METTL2A: variants seen among roughly 807,000 people sequenced by gnomAD.
METTL2A encodes the protein tRNA N(3)-cytidine methyltransferase METTL2A.
Under a neutral mutation model 49.4 loss-of-function variants are expected in METTL2A, and 45 were observed. That is an observed-to-expected ratio of 0.91 (90% CI 0.72 to 1.17). The LOEUF (loss-of-function observed/expected upper bound fraction) is 1.17, where lower values mean the gene tolerates loss of function less well. METTL2A is among the 50% of genes most tolerant of loss of function. The pLI is 0.00. For missense variants in METTL2A, 361 were observed against 462.2 expected (o/e 0.78, Z 2.01); for synonymous variants, 118 against 167.5 (o/e 0.70, Z 2.28).
At chr17:62,445,690 G>A (rs1459286940) in intron 7 of METTL2A, among the ~76,000 whole-genome samples, 2 of 151,950 alleles carry the variant, frequency 1.3e-5, no homozygotes, top group African/African-American at 2.4e-5. Context: ...CCAGCTACTC[G>A]GGAGGCTGAG....
chr17:62,443,749 C>G (rs1598036681), intron 6 of METTL2A, among the ~76,000 whole-genome samples: 1 of 152,214 alleles, frequency 6.6e-6, no homozygotes, highest in East Asian at 1.9e-4. Flanking sequence ...GCCACCATCC[C>G]TGGCTAATTT....
At chr17:62,447,898 G>C (rs1283116312) in intron 8 of METTL2A, 132 bp downstream of exon 8, 6 of 1,540,976 alleles carry the variant, frequency 3.9e-6, no homozygotes, top group Non-Finnish European at 5.2e-6. Context: ...GTTCCCTGCT[G>C]CTCACACCCT....
intron 5 of METTL2A, among the ~76,000 whole-genome samples, chr17:62,439,362 C>T (rs369032361): frequency 1.3e-5 from 2 of 152,174 alleles, no homozygotes; most frequent in Admixed American, 6.5e-5. Context: ...GCCTCAGCCT[C>T]CCAGGGTGCT....
chr17:62,443,121 C>G, intron 6 of METTL2A, among the ~76,000 whole-genome samples: 1 of 152,138 alleles, frequency 6.6e-6, no homozygotes, highest in East Asian at 1.9e-4. Flanking sequence ...GCCTATAATC[C>G]CACCACTTTG....
chr17:62,439,990 T>C (rs2070727719), intron 5 of METTL2A, among the ~76,000 whole-genome samples: 1 of 151,980 alleles, frequency 6.6e-6, no homozygotes, highest in South Asian at 2.1e-4. Context: ...ATTAGATTGA[T>C]GCAAAAGTAA....
chr17:62,446,208 C>T (rs530047055), intron 7 of METTL2A, among the ~76,000 whole-genome samples: 5 of 152,296 alleles, frequency 3.3e-5, no homozygotes, highest in Non-Finnish European at 7.4e-5. Context: ...GGCTGGAGTG[C>T]AATGGCGTGA....
chr17:62,448,764 G>A lies in METTL2A; in HGVS notation c.*35G>A. Reference sequence around the variant, plus strand: ...GCTGCCAACACGATGCAAGCCCATTGTGTTTCCGGGCTTTTTTAAAAAAAA... The same window carrying A: ...GCTGCCAACACGATGCAAGCCCATTATGTTTCCGGGCTTTTTTAAAAAAAA... On this transcript the variant is annotated 3_prime_UTR_variant, in exon 9 of 9. Transcript: ENST00000311506. 1 of 1,606,722 alleles carries A rather than the reference G, an allele frequency of 6.2e-7. No homozygotes were observed. The highest frequency in any genetic ancestry group is 8.5e-7 in the Non-Finnish European group (1 of 1,175,840).
chr17:62,434,990 A>G, intron 4 of METTL2A: 1 of 512,102 alleles, frequency 2.0e-6, no homozygotes, highest in Non-Finnish European at 3.5e-6. Context: ...AAGAGAAGAC[A>G]TTGATTTGAA....
At chr17:62,436,910 C>T (rs1318632441) in intron 5 of METTL2A, among the ~76,000 whole-genome samples, 1 of 152,086 alleles carries the variant, frequency 6.6e-6, no homozygotes, top group African/African-American at 2.4e-5. Context: ...AAGTTTGATG[C>T]CATTTCAAAA....
At chr17:62,432,797 G>A (rs1008623110) in intron 4 of METTL2A, among the ~76,000 whole-genome samples, 5 of 141,276 alleles carry the variant, frequency 3.5e-5, no homozygotes, top group East Asian at 4.8e-4. Flanking sequence ...GTGAGACTCC[G>A]TCTCAAAAAA....
intron 5 of METTL2A, among the ~76,000 whole-genome samples, chr17:62,438,250 T>C (rs1440532550): frequency 1.3e-5 from 2 of 151,580 alleles, no homozygotes; most frequent in Non-Finnish European, 2.9e-5. Flanking sequence ...CTACTAAAAA[T>C]ACAAAAATTA....
At chr17:62,438,973 ATTT>A (rs1167283450) in intron 5 of METTL2A, among the ~76,000 whole-genome samples, 4 of 93,554 alleles carry the variant, frequency 4.3e-5, no homozygotes, top group Admixed American at 2.6e-4. Context: ...CACTTGGCTA[ATTT>A]TTTTTTTTTT....
At chr17:62,444,522 C>T (rs2070756288) in intron 6 of METTL2A, among the ~76,000 whole-genome samples, 1 of 152,190 alleles carries the variant, frequency 6.6e-6, no homozygotes, top group Non-Finnish European at 1.5e-5. Context: ...TCATGTGATC[C>T]ACCTGCCTCA....
At chr17:62,443,802 G>A (rs1367988858) in intron 6 of METTL2A, among the ~76,000 whole-genome samples, 1 of 152,118 alleles carries the variant, frequency 6.6e-6, no homozygotes, top group Admixed American at 6.6e-5. Context: ...ATGTTGGCCA[G>A]GCTGGTCTCG....
intron 6 of METTL2A, among the ~76,000 whole-genome samples, chr17:62,442,833 G>A (rs1344146637): frequency 6.6e-6 from 1 of 152,186 alleles, no homozygotes; most frequent in African/African-American, 2.4e-5. Flanking sequence ...GTAAGCTGGT[G>A]TTAGGAAGCC....
chr17:62,444,576 G>A (rs751963967), intron 6 of METTL2A, among the ~76,000 whole-genome samples: 1 of 152,296 alleles, frequency 6.6e-6, no homozygotes, highest in East Asian at 1.9e-4. Flanking sequence ...CACCGCACCC[G>A]GCCAGGAGCA....
At chr17:62,447,580 G>A (rs998996916) in intron 7 of METTL2A, 121 bp from the exon 8 acceptor site, 21 of 1,025,560 alleles carry the variant, frequency 2.0e-5, no homozygotes, top group Non-Finnish European at 2.7e-5. Context: ...TGCTCTTCCC[G>A]AAGCACTGAG....
At chr17:62,437,657 C>A (rs1228718349) in intron 5 of METTL2A, among the ~76,000 whole-genome samples, 1 of 152,122 alleles carries the variant, frequency 6.6e-6, no homozygotes, top group African/African-American at 2.4e-5. Flanking sequence ...AGAAGACGGA[C>A]ATTGAGGGTA....
chr17:62,448,849 G>C lies in METTL2A; in HGVS notation c.*120G>C. 6.7e-7 allele frequency: 1 copy of C among 1,486,562 alleles called. No individual in the cohort carries two copies. The highest frequency in any genetic ancestry group is 2.3e-5 in the East Asian group (1 of 43,016). 92.1% of individuals were successfully genotyped at this position (1,486,562 alleles called of 1,614,324 possible). On this transcript the variant is annotated 3_prime_UTR_variant, in exon 9 of 9. Coordinates refer to ENST00000311506, the MANE Select transcript of METTL2A (RefSeq NM_181725.4). ...CCCAGCCACTCAGGAGGCTGAGGCG[G>C]GGAGGATCCATTGAGCCCAGCAGTC...
Sources: allele counts gnomAD v4.1 joint callset (sites outside exome capture counted in the v4.1 genomes callset), GRCh38; gene constraint gnomAD v4.1.1; transcripts MANE v1.5; gene names NCBI Gene and HGNC (gene_info 2026-07-23, HGNC 2026-07-21).